The following EXOC3L4 variants were observed in gnomAD, a reference collection of about 807,000 sequenced individuals.
EXOC3L4 encodes exocyst complex component 3-like protein 4.
In EXOC3L4, 62 loss-of-function variants were observed where a neutral mutation model predicts 69.7. The ratio of observed to expected loss-of-function variants is 0.89; its 90% CI spans 0.72 to 1.10. The LOEUF (loss-of-function observed/expected upper bound fraction) is 1.10. Ranked by LOEUF, EXOC3L4 falls within the 50% of genes least tolerant of loss-of-function variation. EXOC3L4 has a pLI of 0.00. For missense variants in EXOC3L4, 1,087 were observed against 1,034.8 expected, an observed-to-expected ratio of 1.05 and a Z score of -0.69; for synonymous variants, 502 against 464.2, an observed-to-expected ratio of 1.08 and a Z score of -1.05.
chr14:103,104,660 G>T, intron 5 of EXOC3L4, 78 bp from the exon 6 acceptor site: 3 of 776,180 alleles, frequency 3.9e-6, no homozygotes, highest in South Asian at 2.9e-5. Flanking sequence ...GGCTGGAGGC[G>T]CAGCGGGGGC....
chr14:103,098,403 C>T (rs1024313737), intron 1 of EXOC3L4, among the ~76,000 whole-genome samples: 11 of 152,066 alleles, frequency 7.2e-5, no homozygotes, highest in South Asian at 2.1e-4. Flanking sequence ...CCTGAGTGCG[C>T]GGCCAGGGGC....
chr14:103,102,976 A>G (rs1468886133), intron 3 of EXOC3L4, among the ~76,000 whole-genome samples: 1 of 152,214 alleles, frequency 6.6e-6, no homozygotes, highest in Non-Finnish European at 1.5e-5. Context: ...GGTCACCCAT[A>G]CACAGTTCCA....
chr14:103,094,309 G>T (rs951823164), upstream of EXOC3L4, among the ~76,000 whole-genome samples: 2 of 152,304 alleles, frequency 1.3e-5, no homozygotes, highest in African/African-American at 4.8e-5. Flanking sequence ...GGGTGCAGGG[G>T]TCTCGGGATG....
Position 103,102,645 on chromosome 14 carries a change from G to A in EXOC3L4, c.922G>A (p.Ala308Thr). Reference protein sequence around the residue: ...QPAYAAAGFPAWEVYLRAFHS... With the variant: ...QPAYAAAGFPTWEVYLRAFHS... ...CGCGTATGCGGCGGCCGGCTTCCCA[G>A]CGTGGGAGGTCTATCTGCGTGCCTT... The change falls in exon 3 of 12, where the codon GCG (alanine) becomes ACG (threonine). Residue 308 changes from alanine to threonine, a missense_variant. By Grantham distance (58) the Ala-to-Thr change is moderately conservative. Transcript: ENST00000688303. 6.7e-7 allele frequency: 1 copy of A among 1,500,266 alleles called. No individual in the cohort carries two copies. The allele number at this position is 1,500,266 out of a possible 1,614,324, so 92.9% of individuals were successfully genotyped here.
chr14:103,104,712 C>G (rs1282015672), intron 5 of EXOC3L4, 26 bp from the exon 6 acceptor site: 2 of 1,457,538 alleles, frequency 1.4e-6, no homozygotes, highest in African/African-American at 1.4e-5. Context: ...CTGGGAGGCA[C>G]GCTCAGTGCG....
chr14:103,104,050 G>A lies in EXOC3L4; in HGVS notation c.1159G>A (p.Glu387Lys), dbSNP rs1250874418. Residue 387 changes from glutamate to lysine, a missense_variant and splice_region_variant, in exon 4 of 12, where the codon GAG becomes AAG. Transcript: ENST00000688303. ...RLESDYTSFL[E>K]AKIASCFDSI... ...GGAGAGCGACTACACCAGCTTCCTG[G>A]AGGTCAGGCCGGGCGGGTCAGGCTG... 1 of 1,566,062 alleles carries A rather than the reference G, an allele frequency of 6.4e-7. No individual in the cohort carries two copies. The highest frequency in any genetic ancestry group is 1.4e-5 in the African/African-American group (1 of 73,712).
At chr14:103,108,034 G>T (rs556945119) in intron 10 of EXOC3L4, among the ~76,000 whole-genome samples, 1 of 152,190 alleles carries the variant, frequency 6.6e-6, no homozygotes, top group Non-Finnish European at 1.5e-5. Flanking sequence ...CCCATCTCAC[G>T]GTCAGGGCCT....
rs1338723970 is a variant in EXOC3L4, at chr14:103,110,167, C to G, written c.2113C>G (p.Leu705Val). ...TGCGGAGGCCCCTCGGGGCCGCGTG[C>G]TCTTCGAGGAGATCAAGGTGCCCAG... The part of the protein sequence containing the change: ...AGAEAPRGRV[L>V]FEEIKVPSAM... Residue 705 changes from leucine to valine, a missense_variant, in exon 12 of 12, where the codon CTC becomes GTC. By Grantham distance (32) the Leu-to-Val change is conservative (BLOSUM62 1). Transcript: ENST00000688303. The G allele has an allele frequency of 1.4e-5, 21 of 1,535,166 alleles. No homozygotes were observed. The highest frequency in any genetic ancestry group is 3.4e-4 in the Middle Eastern group (2 of 5,950).
chr14:103,107,816 CCT>C (rs1890657764), intron 10 of EXOC3L4, 33 bp downstream of exon 10: 2 of 1,478,924 alleles, frequency 1.4e-6, no homozygotes, highest in South Asian at 1.3e-5. Context: ...TCGGTGCTCG[CCT>C]CTGTGTGGGG....
At chr14:103,104,711 A>G (rs954263516) in intron 5 of EXOC3L4, 27 bp from the exon 6 acceptor site, 32 of 1,457,910 alleles carry the variant, frequency 2.2e-5, no homozygotes, top group Non-Finnish European at 2.8e-5. Flanking sequence ...GCTGGGAGGC[A>G]CGCTCAGTGC....
At chr14:103,108,147 C>T (rs1220767670) in intron 10 of EXOC3L4, among the ~76,000 whole-genome samples, 2 of 152,144 alleles carry the variant, frequency 1.3e-5, no homozygotes, top group Non-Finnish European at 2.9e-5. Context: ...AGGCTGGCCT[C>T]GGTTTTCCTG....
intron 10 of EXOC3L4, 152 bp downstream of exon 10, chr14:103,107,935 G>T: frequency 1.7e-6 from 2 of 1,201,578 alleles, no homozygotes; most frequent in Non-Finnish European, 2.3e-6. Flanking sequence ...GTGGGGCTGG[G>T]GGGTGGAGGG....
chr14:103,095,225 CA>C (rs1275842938), intron 1 of EXOC3L4, among the ~76,000 whole-genome samples: 4 of 152,228 alleles, frequency 2.6e-5, no homozygotes, highest in African/African-American at 9.6e-5. Flanking sequence ...CGCTCAAGCT[CA>C]GGCATCAGAT....
Position 103,110,458 on chromosome 14 carries a change from C to G in EXOC3L4, c.*235C>G. The G allele has an allele frequency of 3.3e-6, 2 of 601,056 alleles. No homozygotes were observed. Among genetic ancestry groups the G allele is most frequent in the Non-Finnish European group, 5.8e-6 (2 of 347,120 alleles). The allele number at this position is 601,056 out of a possible 1,614,324, so 37.2% of individuals were successfully genotyped here. A position where few individuals can be genotyped will look rare whatever the true frequency, so the allele number is the denominator to read the frequency against. On this transcript the variant is annotated 3_prime_UTR_variant, in exon 12 of 12. Transcript: ENST00000688303. ...GGGGCCGCAGAGCTCTCAATGCTGC[C>G]TATCGGGCGGGGGGGGGCCTCCCGC...
intron 11 of EXOC3L4, 134 bp downstream of exon 11, chr14:103,108,651 C>T (rs1890722331): frequency 2.5e-6 from 3 of 1,212,490 alleles, no homozygotes; most frequent in Non-Finnish European, 3.5e-6. Flanking sequence ...GGCCTTGGAC[C>T]CTCAGACCCT....
chr14:103,095,344 T>G (rs1889844964), intron 1 of EXOC3L4, among the ~76,000 whole-genome samples: 1 of 152,346 alleles, frequency 6.6e-6, no homozygotes, highest in Admixed American at 6.5e-5. Flanking sequence ...GCTCTGTAAC[T>G]GTCCCTCCGT....
chr14:103,102,523 G>C lies in EXOC3L4; in HGVS notation c.800G>C (p.Gly267Ala). The change falls in exon 3 of 12, where the codon GGG becomes GCG. Residue 267 changes from glycine to alanine, a missense_variant. Physicochemically the swap from Gly to Ala is moderately conservative, Grantham distance 60. Transcript: ENST00000688303. ...CGGCCGGGCGCGGGGTGGGCCTTCG[G>C]GGAGGCGGAGGGCGCGTCGGGTTTG... is the stretch of plus-strand genomic sequence containing the variant. ...VRRPGAGWAF[G>A]EAEGASGLAQ... is the part of the protein sequence containing the mutation. 1 of 1,397,044 alleles carries C rather than the reference G, an allele frequency of 7.2e-7. No homozygotes were observed. Among genetic ancestry groups the C allele is most frequent in the African/African-American group, 1.5e-5 (1 of 66,338 alleles). The allele number at this position is 1,397,044 out of a possible 1,614,324, so 86.5% of individuals were successfully genotyped here.
chr14:103,103,690 A>G, intron 3 of EXOC3L4: 1 of 495,832 alleles, frequency 2.0e-6, no homozygotes, highest in Non-Finnish European at 3.6e-6. Context: ...GAGAGGGCGG[A>G]GTGCCATCTG....
In EXOC3L4 at chr14:103,102,554, GCTTCTGGCC is replaced by G; in HGVS notation, c.832_840del (p.Leu278_Ala280del). The G allele has an allele frequency of 7.0e-7, 1 of 1,436,252 alleles. No homozygotes were observed. The allele number at this position is 1,436,252 out of a possible 1,614,324, so 89.0% of individuals were successfully genotyped here. On this transcript the variant is annotated inframe_deletion, in exon 3 of 12. Coordinates refer to ENST00000688303, the MANE Select transcript of EXOC3L4 (RefSeq NM_001077594.2). ...CGGAGGGCGCGTCGGGTTTGGCCCA[GCTTCTGGCC>G]GAGCTGGGTGGCTTGGTTCGCCGCG...
Sources: gnomAD v4.1 joint callset for allele counts (sites outside exome capture counted in the v4.1 genomes callset) on GRCh38, gnomAD v4.1.1 for gene constraint, MANE v1.5 for transcripts, NCBI Gene and HGNC (gene_info 2026-07-23, HGNC 2026-07-21) for gene names.